COL4A3: variants seen among roughly 807,000 people sequenced by gnomAD.
The protein encoded by COL4A3 is collagen type IV alpha 3 chain.
COL4A3 carries 135 observed loss-of-function variants against 217.4 expected under a neutral mutation model. The ratio of observed to expected loss-of-function variants is 0.62; its 90% CI spans 0.54 to 0.72. The LOEUF is 0.72. Ranked by LOEUF, COL4A3 falls within the 30% of genes least tolerant of loss-of-function variation. The pLI is 0.00. For synonymous variants in COL4A3, 690 were observed against 736.3 expected, an observed-to-expected ratio of 0.94 and a Z score of 1.02; for missense variants, 1,868 against 2,119.9, an observed-to-expected ratio of 0.88 and a Z score of 2.33.
intron 38 of COL4A3, chr2:227,294,214 A>C (rs1359159213): frequency 7.1e-6 from 3 of 423,882 alleles, no homozygotes; most frequent in Non-Finnish European, 1.3e-5. Context: ...AGTTTCAATA[A>C]ATTTGCATTT....
chr2:227,235,772 C>CTTTTTTTT lies in COL4A3; in HGVS notation c.88-2183_88-2176dup, dbSNP rs201024233. Among the ~76,000 whole-genome samples the CTTTTTTTT allele has an allele frequency of 9.7e-4, 119 of 122,416 alleles. 1 individual carries two copies. Among genetic ancestry groups the CTTTTTTTT allele is most frequent in the East Asian group, 4.7e-3 (19 of 4,030 alleles). 80.3% of individuals were successfully genotyped at this position (122,416 alleles called of 152,430 possible). A position where few individuals can be genotyped will look rare whatever the true frequency, so the allele number is the denominator to read the frequency against. ...TGCTGCTAATGCCATTATTTCATTCCTTTTTTTTTTTTTTTTTTTTAATGG... is the reference window on the plus strand; with the variant it reads ...TGCTGCTAATGCCATTATTTCATTCCTTTTTTTTTTTTTTTTTTTTTTTTTTTTAATGG... On this transcript the variant is annotated intron_variant, in intron 1 of 51. Coordinates refer to ENST00000396578, the MANE Select transcript of COL4A3 (RefSeq NM_000091.5).
At chr2:227,240,840 T>C (rs1267996824) in intron 3 of COL4A3, among the ~76,000 whole-genome samples, 1 of 152,218 alleles carries the variant, frequency 6.6e-6, no homozygotes, top group Non-Finnish European at 1.5e-5. Flanking sequence ...ATAATTTGCC[T>C]TCTACCACCT....
intron 26 of COL4A3, among the ~76,000 whole-genome samples, chr2:227,275,169 C>CTGTTGTTGT (rs200536643): frequency 2.6e-5 from 4 of 151,144 alleles, no homozygotes; most frequent in African/African-American, 7.3e-5. Flanking sequence ...ACCAAATGCT[C>CTGTTGTTGT]TGTTGTTGTT....
rs1085307955 is a variant in COL4A3 at position 227,276,469 on chromosome 2, G to A, written c.2012G>A (p.Gly671Asp). 1.2e-6 allele frequency: 2 copies of A among 1,613,392 alleles called. No individual in the cohort carries two copies. Among genetic ancestry groups the A allele is most frequent in the Non-Finnish European group, 1.7e-6 (2 of 1,179,528 alleles). ...CCCCCTGGCCATCCTGGCCCCCAAG[G>A]TCCACCTGGTAAGTATCCTCTGCCA... ...PGPPGHPGPQ[G>D]PPGIPGSLGK... Residue 671 changes from glycine to aspartate, a missense_variant, in exon 27 of 52, where the codon GGT (glycine) becomes GAT (aspartate). Gly to Asp is a moderately conservative substitution (Grantham distance 94). Around this residue, in one of 2 missense-constraint regions of COL4A3, gnomAD observed 1,503 missense variants for 1,786.1 expected, o/e 0.84. Transcript: ENST00000396578.
chr2:227,248,546 A>G lies in COL4A3; in HGVS notation c.546+26A>G, dbSNP rs573388793. 2.0e-5 allele frequency: 30 copies of G among 1,534,822 alleles called. No individual in the cohort carries two copies. The South Asian group carries it at 3.0e-4, about 15-fold the overall frequency. ...GTACAGCACTTCAGAGAAGGTCCCT[A>G]TTATTCTCAGTTTTTCACTCTCTCT... On this transcript the variant is annotated intron_variant, in intron 9 of 51. Coordinates refer to ENST00000396578, the MANE Select transcript of COL4A3 (RefSeq NM_000091.5).
At position 227,238,039 on chromosome 2, in the gene COL4A3, T is replaced by C; in HGVS notation, c.144+15T>C. ...AAGGGGAGAAGGTAAAAACAAACCC[T>C]AATACTGCTTGTTTACACTGTAAAG... On this transcript the variant is annotated intron_variant, in intron 2 of 51. Coordinates refer to ENST00000396578, the MANE Select transcript of COL4A3 (RefSeq NM_000091.5). 6.5e-7 allele frequency: 1 copy of C among 1,535,876 alleles called. No homozygotes were observed. Among genetic ancestry groups the C allele is most frequent in the African/African-American group, 1.4e-5 (1 of 73,520 alleles).
chr2:227,233,705 T>G (rs1465091133), intron 1 of COL4A3, among the ~76,000 whole-genome samples: 2 of 152,186 alleles, frequency 1.3e-5, no homozygotes, highest in African/African-American at 4.8e-5. Context: ...AACTGTGATT[T>G]TGATGACAAT....
intron 1 of COL4A3, among the ~76,000 whole-genome samples, chr2:227,179,504 C>T (rs1244119650): frequency 1.3e-5 from 2 of 152,200 alleles, no homozygotes; most frequent in Non-Finnish European, 2.9e-5. Flanking sequence ...GAAGTTTTCA[C>T]GTCTCATCCA....
At chr2:227,177,996 A>T (rs966620744) in intron 1 of COL4A3, among the ~76,000 whole-genome samples, 3 of 152,232 alleles carry the variant, frequency 2.0e-5, no homozygotes, top group Non-Finnish European at 2.9e-5. Flanking sequence ...TCTCAACTTA[A>T]TAAGGAAAGG....
intron 3 of COL4A3, among the ~76,000 whole-genome samples, chr2:227,242,470 G>A (rs1378960349): frequency 2.0e-5 from 3 of 152,146 alleles, no homozygotes; most frequent in Admixed American, 2.0e-4. Flanking sequence ...CATGTGGGCA[G>A]GATCAATTAT....
At chr2:227,246,655 GAAT>G (rs759949369) in intron 6 of COL4A3, 27 bp from the exon 7 acceptor site, 1 of 1,575,878 alleles carries the variant, frequency 6.3e-7, no homozygotes, top group Non-Finnish European at 8.7e-7. Flanking sequence ...GAACAACTAA[GAAT>G]AATAAGAAAC....
chr2:227,185,632 G>A (rs1446770123), intron 1 of COL4A3, among the ~76,000 whole-genome samples: 1 of 152,156 alleles, frequency 6.6e-6, no homozygotes, highest in African/African-American at 2.4e-5. Flanking sequence ...GTAGCTATTT[G>A]GTGTAATTAT....
rs2071322344 is a variant in COL4A3, at chr2:227,272,825, C to T, written c.1759-124C>T. 3 of 1,058,060 alleles carry T rather than the reference C, an allele frequency of 2.8e-6. No homozygotes were observed. The South Asian group carries it at 3.9e-5, about 14-fold the overall frequency. 65.5% of individuals were successfully genotyped at this position (1,058,060 alleles called of 1,614,324 possible). On this transcript the variant is annotated intron_variant, in intron 25 of 51. Coordinates refer to ENST00000396578, the MANE Select transcript of COL4A3 (RefSeq NM_000091.5). The stretch of plus-strand genomic sequence containing the variant: ...CTTTAGTAATAATTCTCATCAAATG[C>T]CAAATGCTTTTAATTCAAGATCTCA...
chr2:227,301,216 G>T (rs1395386443), intron 43 of COL4A3, among the ~76,000 whole-genome samples: 3 of 152,146 alleles, frequency 2.0e-5, no homozygotes, highest in Non-Finnish European at 2.9e-5. Flanking sequence ...TATCCTTGTT[G>T]CTCTATGCAG....
chr2:227,283,195 T>G (rs2106168169), intron 32 of COL4A3, among the ~76,000 whole-genome samples: 1 of 152,340 alleles, frequency 6.6e-6, no homozygotes. Flanking sequence ...ATGGCTATGT[T>G]TATTGTTTAT....
At chr2:227,275,918 G>C (rs963295297) in intron 26 of COL4A3, among the ~76,000 whole-genome samples, 12 of 136,600 alleles carry the variant, frequency 8.8e-5, no homozygotes, top group Non-Finnish European at 1.6e-5. Flanking sequence ...AGACCAGCAT[G>C]TTGGGCTATT....
At chr2:227,258,999 A>G (rs189452914) in intron 18 of COL4A3, among the ~76,000 whole-genome samples, 50 of 150,724 alleles carry the variant, frequency 3.3e-4, no homozygotes, top group African/African-American at 1.2e-3. Flanking sequence ...ATGAAAAAGC[A>G]AAGAGGTTTT....
intron 1 of COL4A3, among the ~76,000 whole-genome samples, chr2:227,166,787 A>C (rs1007584952): frequency 1.3e-5 from 2 of 152,218 alleles, no homozygotes; most frequent in Admixed American, 6.5e-5. Flanking sequence ...TAGAAAAAGG[A>C]ATCACAACGT....
intron 44 of COL4A3, 148 bp downstream of exon 44, chr2:227,303,258 C>T (rs2106268189): frequency 1.5e-6 from 1 of 689,192 alleles, no homozygotes; most frequent in Non-Finnish European, 2.6e-6. Flanking sequence ...CTCCACTACA[C>T]TATTTCAAGA....
Sources: gnomAD v4.1 joint callset for allele counts (sites outside exome capture counted in the v4.1 genomes callset) on GRCh38, gnomAD v4.1.1 for gene constraint, gnomAD v4.1.1 regional missense constraint, MANE v1.5 for transcripts, NCBI Gene and HGNC (gene_info 2026-07-23, HGNC 2026-07-21) for gene names.